The following MAX variants were observed in gnomAD, a reference collection of about 807,000 sequenced individuals.
The protein encoded by MAX is MYC associated transcriptional regulator X, also known as protein max.
In MAX, 3 loss-of-function variants were observed where a neutral mutation model predicts 22.3. The ratio of observed to expected loss-of-function variants is 0.13; its 90% confidence interval spans 0.06 to 0.35. The LOEUF (loss-of-function observed/expected upper bound fraction) is 0.35. Among genes scored for constraint, MAX ranks in the 10% least tolerant of loss-of-function variants. MAX has a pLI of 1.00. For missense variants in MAX, 119 were observed against 209.4 expected, an observed-to-expected ratio of 0.57 and a Z score of 2.66; for synonymous variants, 72 against 77.7, an observed-to-expected ratio of 0.93 and a Z score of 0.39.
Position 65,054,605 on chromosome 14 carries a change from C to T in MAX, c.171+39103G>A. ...GTGATTTCTACCACACCTGCTACTG[C>T]CTGAGCGGCCTGTCCATAGCCCAGC... On this transcript the variant is annotated intron_variant, in intron 3 of 3. Transcript: ENST00000341653. This position sits in a 1 kb window ranked among gnomAD's most constrained non-coding sequence, Gnocchi z 4.4. 6.2e-7 allele frequency: 1 copy of T among 1,613,736 alleles called. No homozygotes were observed. The highest frequency in any genetic ancestry group is 1.1e-5 in the South Asian group (1 of 90,934).
intron 3 of MAX, among the ~76,000 whole-genome samples, chr14:65,050,986 A>G (rs958132500): frequency 7.9e-5 from 12 of 152,264 alleles, no homozygotes; most frequent in African/African-American, 2.9e-4. Flanking sequence ...ATATGTATGT[A>G]TCTTCTACAA....
Position 65,031,963 on chromosome 14 carries a change from C to T in MAX, c.172-25679G>A, listed in dbSNP as rs2062093609. Among the ~76,000 whole-genome samples the T allele has an allele frequency of 1.4e-5, 2 of 146,754 alleles. No individual in the cohort carries two copies. The highest frequency in any genetic ancestry group is 6.8e-5 in the Admixed American group (1 of 14,738). Reference sequence around the variant, plus strand: ...AAGCAAAACAAAAAATATAGACGTGCGCCTTTTTCATTTAACGTGTGTGTG... The same window carrying T: ...AAGCAAAACAAAAAATATAGACGTGTGCCTTTTTCATTTAACGTGTGTGTG... On this transcript the variant is annotated intron_variant, in intron 3 of 3. Coordinates refer to the MAX transcript ENST00000341653. The surrounding 1 kb of genome is among the most constrained non-coding windows in gnomAD (Gnocchi z 4.6).
intron 3 of MAX, among the ~76,000 whole-genome samples, chr14:65,039,221 T>C (rs2062287271): frequency 6.6e-6 from 1 of 152,198 alleles, no homozygotes; most frequent in East Asian, 1.9e-4. Flanking sequence ...GGCTTATCAG[T>C]TCCCTCAGAG....
chr14:65,019,187 G>T (rs1400731824), intron 3 of MAX, among the ~76,000 whole-genome samples: 3 of 148,818 alleles, frequency 2.0e-5, no homozygotes, highest in African/African-American at 7.5e-5. Flanking sequence ...AAAAGAAAAA[G>T]AAAAAGAAGA....
chr14:65,038,261 T>G (rs1224589584), intron 3 of MAX, among the ~76,000 whole-genome samples: 1 of 150,628 alleles, frequency 6.6e-6, no homozygotes, highest in Non-Finnish European at 1.5e-5. Context: ...ATACAAAACA[T>G]TAGCCGGGTG....
At chr14:65,102,686 G>T (rs1595192861), upstream of MAX, 10 of 612,398 alleles carry the variant, frequency 1.6e-5, no homozygotes, top group East Asian at 8.6e-4. Flanking sequence ...GGCGACGCCA[G>T]CCCGGCTTGT....
intron 3 of MAX, among the ~76,000 whole-genome samples, chr14:65,061,013 T>A (rs2062854827): frequency 6.6e-6 from 1 of 152,184 alleles, no homozygotes; most frequent in African/African-American, 2.4e-5. Flanking sequence ...CTGTGTCCCA[T>A]GTACTAGATA....
At chr14:65,063,467 A>G (rs1466401419) in intron 3 of MAX, among the ~76,000 whole-genome samples, 2 of 152,206 alleles carry the variant, frequency 1.3e-5, no homozygotes, top group Non-Finnish European at 2.9e-5. Flanking sequence ...GGTAGAGAAG[A>G]GAAAGGGTTA....
chr14:65,016,193 G>A (rs1321156956), intron 3 of MAX, among the ~76,000 whole-genome samples: 1 of 152,174 alleles, frequency 6.6e-6, no homozygotes, highest in African/African-American at 2.4e-5. Flanking sequence ...TGTGTTACTG[G>A]TGTGGCATAC....
Position 65,100,358 on chromosome 14 carries a change from G to T in MAX, c.63+1188C>A, listed in dbSNP as rs182322745. On this transcript the variant is annotated intron_variant, in intron 2 of 4. Coordinates refer to ENST00000358664, the MANE Select transcript of MAX (RefSeq NM_002382.5). ...CCAGCTATTCGGGAGGCTGAGGCAA[G>T]AGAATCGCTTGAACCCAGGAGGCGG... Among the ~76,000 whole-genome samples, 5 of 152,344 alleles carry T rather than the reference G, an allele frequency of 3.3e-5. No homozygotes were observed. In the East Asian group the frequency reaches 9.6e-4, roughly 29 times the overall value.
rs139290862 is a variant in MAX, at chr14:65,097,767, C to G, written c.63+3779G>C. On this transcript the variant is annotated intron_variant, in intron 2 of 4. Coordinates refer to ENST00000358664, the MANE Select transcript of MAX (RefSeq NM_002382.5). ...AACAAGATAGGATAAAGCTCAATTT[C>G]TAAGCAACTTAAAATATTCATTTTA... Among the ~76,000 whole-genome samples the G allele has an allele frequency of 6.1e-4, 93 of 152,242 alleles. 2 individuals are homozygous for G. The highest frequency in any genetic ancestry group is 1.9e-3 in the Admixed American group (29 of 15,300).
Position 65,044,547 on chromosome 14 carries a change from GTCTA to G in MAX, c.172-38267_172-38264del. On this transcript the variant is annotated intron_variant, in intron 3 of 3. Coordinates refer to the MAX transcript ENST00000341653. The surrounding 1 kb of genome is among the most constrained non-coding windows in gnomAD (Gnocchi z 5.5). The stretch of plus-strand genomic sequence containing the variant: ...TTTTAGAGGGGTTGAAATGAGCTCT[GTCTA>G]TCCTGGATTTTGAGTGCCCAGTGTG... The G allele has an allele frequency of 2.0e-6, 3 of 1,490,704 alleles. No homozygotes were observed. Among genetic ancestry groups the G allele is most frequent in the Non-Finnish European group, 2.7e-6 (3 of 1,123,384 alleles). The allele number at this position is 1,490,704 out of a possible 1,614,324, so 92.3% of individuals were successfully genotyped here.
chr14:65,019,404 T>G (rs190582120), intron 3 of MAX, among the ~76,000 whole-genome samples: 1 of 151,892 alleles, frequency 6.6e-6, no homozygotes, highest in Non-Finnish European at 1.5e-5. Context: ...GGAGAATTGC[T>G]TGAATCCGGG....
rs1204219897 is a variant in MAX, at chr14:65,076,587, G to A, written c.372C>T (p.Thr124=). 1.9e-6 allele frequency: 3 copies of A among 1,613,998 alleles called. No homozygotes were observed. Among genetic ancestry groups the A allele is most frequent in the Non-Finnish European group, 2.5e-6 (3 of 1,180,028 alleles). ...CAGAGATGGTGCTGCCCTTGGCGTT[G>A]GTGTAGAGGCTGTTGTCTGAGGAGG... ...NYPSSDNSLY[T]NAKGSTISAF... The change falls in exon 5 of 5, where the codon ACC becomes ACT. Residue 124 remains threonine (T), a synonymous_variant. Transcript: ENST00000358664. This position sits in a 1 kb window ranked among gnomAD's most constrained non-coding sequence, Gnocchi z 6.6.
chr14:65,041,316 T>C (rs1438691817), intron 3 of MAX, among the ~76,000 whole-genome samples: 1 of 152,210 alleles, frequency 6.6e-6, no homozygotes. Flanking sequence ...TGTAAACATT[T>C]AGTACCTACA....
At chr14:65,045,803 T>G (rs2062464270) in intron 3 of MAX, among the ~76,000 whole-genome samples, 1 of 152,176 alleles carries the variant, frequency 6.6e-6, no homozygotes, top group African/African-American at 2.4e-5. Flanking sequence ...GCAGAGCCTC[T>G]GTCCCATTTT....
intron 3 of MAX, chr14:65,090,494 C>G (rs1266264805): frequency 6.6e-6 from 1 of 151,940 alleles, no homozygotes; most frequent in East Asian, 1.9e-4. Flanking sequence ...TTTTTTTCCT[C>G]AAGAAAAAGG....
intron 3 of MAX, among the ~76,000 whole-genome samples, chr14:65,087,629 A>G (rs1484657447): frequency 3.9e-5 from 6 of 152,174 alleles, no homozygotes; most frequent in Admixed American, 3.3e-4. Context: ...TGTTTATCCA[A>G]TGCCTGTACC....
At chr14:65,053,640 A>C (rs911124193) in intron 3 of MAX, among the ~76,000 whole-genome samples, 1 of 152,148 alleles carries the variant, frequency 6.6e-6, no homozygotes, top group Non-Finnish European at 1.5e-5. Context: ...AAAAACAAAA[A>C]AAAACTGATC....
Sources: allele counts gnomAD v4.1 joint callset (sites outside exome capture counted in the v4.1 genomes callset), GRCh38; gene constraint gnomAD v4.1.1; non-coding constraint Gnocchi (gnomAD v3.1); transcripts MANE v1.5; gene names NCBI Gene and HGNC (gene_info 2026-07-23, HGNC 2026-07-21).